AGTPBP1: variants seen among roughly 807,000 people sequenced by gnomAD.
The protein encoded by AGTPBP1 is ATP/GTP binding carboxypeptidase 1.
A neutral mutation model predicts 143.9 loss-of-function variants in AGTPBP1; 70 were observed. The ratio of observed to expected loss-of-function variants is 0.49; its 90% CI spans 0.40 to 0.59. The LOEUF is 0.59. AGTPBP1 is among the 20% of genes least tolerant of loss of function. AGTPBP1 has a pLI of 0.00. For missense variants in AGTPBP1, 1,229 were observed against 1,464.5 expected (o/e 0.84, Z 2.62); for synonymous variants, 463 against 500.2 (o/e 0.93, Z 0.99).
At chr9:85,604,202 AG>A (rs1490434971) in intron 17 of AGTPBP1, among the ~76,000 whole-genome samples, 2 of 152,184 alleles carry the variant, frequency 1.3e-5, no homozygotes, top group African/African-American at 4.8e-5. Flanking sequence ...GACCCAGTAT[AG>A]TACCAGCGGT....
At chr9:85,656,424 A>G (rs1833512485) in intron 10 of AGTPBP1, among the ~76,000 whole-genome samples, 1 of 152,196 alleles carries the variant, frequency 6.6e-6, no homozygotes. Context: ...AAACAAGTAC[A>G]TATGATTGAT....
At chr9:85,685,059 G>A (rs1288447013) in intron 3 of AGTPBP1, among the ~76,000 whole-genome samples, 1 of 150,486 alleles carries the variant, frequency 6.6e-6, no homozygotes, top group Non-Finnish European at 1.5e-5. Context: ...ACTGACAATA[G>A]AACAATAGAA....
upstream of AGTPBP1, among the ~76,000 whole-genome samples, chr9:85,742,337 C>T (rs963681243): frequency 3.3e-5 from 5 of 152,132 alleles, no homozygotes; most frequent in Admixed American, 2.6e-4. Flanking sequence ...AGCCTTTTCC[C>T]GGAACTAAGC....
intron 1 of AGTPBP1, among the ~76,000 whole-genome samples, chr9:85,725,468 C>T (rs899280503): frequency 9.9e-5 from 15 of 151,940 alleles, no homozygotes; most frequent in African/African-American, 1.5e-4. Context: ...GTGGTTGCTA[C>T]GCATAGGGGG....
Position 85,633,092 on chromosome 9 carries a change from C to G in AGTPBP1, c.1585G>C (p.Asp529His). Residue 529 changes from aspartate (D) to histidine (H), a missense_variant, in exon 14 of 26, where the codon GAT (aspartate) becomes CAT (histidine). Coordinates refer to ENST00000357081, the MANE Select transcript of AGTPBP1 (RefSeq NM_001330701.2). ...ATTCGGTCCAAGGCCTTTACAATATCATTGTTTAAACCATGGACTGATGAA... is the reference window on the plus strand; with the variant it reads ...ATTCGGTCCAAGGCCTTTACAATATGATTGTTTAAACCATGGACTGATGAA... The part of the protein sequence containing the change: ...TISSVHGLNN[D>H]IVKALDRITL... 6.2e-7 allele frequency: 1 copy of G among 1,614,172 alleles called. No individual in the cohort carries two copies. Among genetic ancestry groups the G allele is most frequent in the South Asian group, 1.1e-5 (1 of 91,084 alleles).
At chr9:85,725,153 T>C (rs796857366) in intron 1 of AGTPBP1, among the ~76,000 whole-genome samples, 16 of 152,262 alleles carry the variant, frequency 1.1e-4, no homozygotes, top group African/African-American at 3.6e-4. Context: ...TGCCTGATTA[T>C]AGAGGAAAGC....
intron 14 of AGTPBP1, among the ~76,000 whole-genome samples, chr9:85,624,094 C>A (rs2133591466): frequency 6.6e-6 from 1 of 152,264 alleles, no homozygotes; most frequent in South Asian, 2.1e-4. Flanking sequence ...AACCACAGGG[C>A]AACACTATAA....
chr9:85,695,148 T>C (rs1354519558), intron 2 of AGTPBP1, among the ~76,000 whole-genome samples: 1 of 152,136 alleles, frequency 6.6e-6, no homozygotes, highest in Non-Finnish European at 1.5e-5. Context: ...TCACAGGAAG[T>C]TGCAAAAATA....
chr9:85,662,357 C>T (rs1485621356), intron 8 of AGTPBP1, among the ~76,000 whole-genome samples: 1 of 152,044 alleles, frequency 6.6e-6, no homozygotes, highest in African/African-American at 2.4e-5. Context: ...TTCCTCAAAA[C>T]AATGTGAAGT....
At chr9:85,637,356 T>C (rs570343066) in intron 13 of AGTPBP1, among the ~76,000 whole-genome samples, 3 of 152,132 alleles carry the variant, frequency 2.0e-5, no homozygotes, top group African/African-American at 4.8e-5. Context: ...CCAAAAAATT[T>C]TGTGCACAAA....
chr9:85,769,536 A>AG, the AGTPBP1 span, among the ~76,000 whole-genome samples: 4 of 151,718 alleles, frequency 2.6e-5, no homozygotes, highest in East Asian at 1.9e-4. Context: ...AAAAAAAAAA[A>AG]AAAAGAAAAA....
intron 3 of AGTPBP1, among the ~76,000 whole-genome samples, chr9:85,686,552 C>T (rs1835499290): frequency 6.6e-6 from 1 of 152,134 alleles, no homozygotes; most frequent in Non-Finnish European, 1.5e-5. Context: ...CTTTAACTAT[C>T]AATCTGTTGG....
chr9:85,613,362 T>C (rs960194159), intron 17 of AGTPBP1, among the ~76,000 whole-genome samples: 1 of 151,642 alleles, frequency 6.6e-6, no homozygotes, highest in Non-Finnish European at 1.5e-5. Context: ...CCAATAGAAA[T>C]AATGAATAAA....
rs774888714 is a variant in AGTPBP1 at position 85,672,567 on chromosome 9, C to T, written c.551G>A (p.Arg184Gln). The change falls in exon 7 of 26, where the codon CGA becomes CAA. Residue 184 changes from arginine (R) to glutamine (Q), a missense_variant. Arg to Gln is a conservative substitution (Grantham distance 43, BLOSUM62 1). Around this residue, in one of 2 missense-constraint regions of AGTPBP1, gnomAD observed 743 missense variants for 812.2 expected, o/e 0.91. Coordinates refer to ENST00000357081, the MANE Select transcript of AGTPBP1 (RefSeq NM_001330701.2). The part of the protein sequence containing the change: ...RLVLPCLQLL[R>Q]VYSANSVNSV... The stretch of plus-strand genomic sequence containing the variant: ...ATACTCACAGTTGGCAGAATATACT[C>T]GTAAAAGCTGAAGGCAAGGTAGAAC... 17 of 1,612,698 alleles carry T rather than the reference C, an allele frequency of 1.1e-5. No homozygotes were observed. Among genetic ancestry groups the T allele is most frequent in the Middle Eastern group, 1.6e-4 (1 of 6,072 alleles).
At chr9:85,692,411 T>C (rs909809526) in intron 3 of AGTPBP1, among the ~76,000 whole-genome samples, 5 of 151,854 alleles carry the variant, frequency 3.3e-5, no homozygotes, top group Admixed American at 2.0e-4. Flanking sequence ...GTAACTGGGA[T>C]TATAGGTGCA....
At chr9:85,553,783 G>T (rs1826171197) in intron 25 of AGTPBP1, 1 of 152,144 alleles carries the variant, frequency 6.6e-6, no homozygotes, top group Non-Finnish European at 1.5e-5. Flanking sequence ...ATACTTGGGG[G>T]ATATAAGATA....
chr9:85,656,116 T>C (rs947320534), intron 10 of AGTPBP1, among the ~76,000 whole-genome samples: 5 of 152,260 alleles, frequency 3.3e-5, no homozygotes, highest in African/African-American at 1.2e-4. Context: ...CATGAGCCAC[T>C]GCGCCTGGCC....
intron 2 of AGTPBP1, among the ~76,000 whole-genome samples, chr9:85,702,649 GTC>G (rs1416169024): frequency 3.4e-5 from 5 of 147,416 alleles, no homozygotes; most frequent in Admixed American, 2.7e-4. Context: ...ACGACTCTCT[GTC>G]TCTCTCTCTT....
the AGTPBP1 span, chr9:85,770,175 C>T: frequency 1.4e-6 from 1 of 715,394 alleles, no homozygotes; most frequent in South Asian, 1.8e-5. Flanking sequence ...AAATGTAGTA[C>T]AAGAGTGGTA....
Sources: gnomAD v4.1 joint callset for allele counts (sites outside exome capture counted in the v4.1 genomes callset) on GRCh38, gnomAD v4.1.1 for gene constraint, gnomAD v4.1.1 regional missense constraint, MANE v1.5 for transcripts, NCBI Gene and HGNC (gene_info 2026-07-23, HGNC 2026-07-21) for gene names.